The following SYNE1 variants were observed in gnomAD, a reference collection of about 807,000 sequenced individuals.
SYNE1 encodes nesprin-1.
Under a neutral mutation model 1,111.0 loss-of-function variants are expected in SYNE1, and 616 were observed. That is an observed-to-expected ratio of 0.55 (90% confidence interval 0.52 to 0.59). The LOEUF is 0.59. SYNE1 is among the 20% of genes least tolerant of loss of function. The pLI is 0.00. For synonymous variants in SYNE1, 3,855 were observed against 3,825.8 expected (o/e 1.01, Z -0.28); for missense variants, 10,006 against 10,417.0 (o/e 0.96, Z 1.72).
intron 130 of SYNE1, among the ~76,000 whole-genome samples, chr6:152,166,826 G>A (rs1438734196): frequency 6.6e-6 from 1 of 152,190 alleles, no homozygotes; most frequent in Non-Finnish European, 1.5e-5. Context: ...GCAGAGGTGA[G>A]CCTGTAGGGC....
intron 11 of SYNE1, among the ~76,000 whole-genome samples, chr6:152,494,126 T>C (rs536130843): frequency 6.6e-6 from 1 of 152,292 alleles, no homozygotes; most frequent in African/African-American, 2.4e-5. Flanking sequence ...CTGTATGCAG[T>C]GACAGCCACC....
Position 152,488,461 on chromosome 6 carries a change from C to A in SYNE1, c.982G>T (p.Glu328Ter), listed in dbSNP as rs1350368750. 1 of 1,608,812 alleles carries A rather than the reference C, an allele frequency of 6.2e-7. No homozygotes were observed. Among genetic ancestry groups the A allele is most frequent in the Admixed American group, 1.7e-5 (1 of 59,898 alleles). ...VIFKEMKVWI[E>*]QFERDLTRAQ... ...CTTGTCAAATCTCTCTCAAATTGTT[C>A]TATCCAAACTTTCATTTCCTTAAAA... The change falls in exon 12 of 146, where the codon GAA (glutamate) becomes TAA (stop). Residue 328 changes from glutamate (E) to a stop codon, truncating the protein, a stop_gained. Transcript: ENST00000367255. LOFTEE classifies it high-confidence loss of function.
At chr6:152,131,283 C>T (rs1211706512) in intron 144 of SYNE1, among the ~76,000 whole-genome samples, 1 of 150,222 alleles carries the variant, frequency 6.7e-6, no homozygotes, top group Non-Finnish European at 1.5e-5. Flanking sequence ...AGCCAGTATT[C>T]CTTCACATTC....
Position 152,140,125 on chromosome 6 carries a change from G to T in SYNE1, c.25283C>A (p.Ala8428Glu), listed in dbSNP as rs775901718. The T allele has an allele frequency of 1.1e-5, 17 of 1,614,046 alleles. No individual in the cohort carries two copies. In the African/African-American group the frequency reaches 1.9e-4, roughly 18 times the overall value. ...CTTCATCCTCAACTCCTTGCTCAATGCCTGGGCCTGGAGAAGCTCCCATCG... is the reference window on the plus strand; with the variant it reads ...CTTCATCCTCAACTCCTTGCTCAATTCCTGGGCCTGGAGAAGCTCCCATCG... Reference protein sequence around the residue: ...IDRWELLQAQALSKELRMKQN... With the variant: ...IDRWELLQAQELSKELRMKQN... Residue 8428 changes from alanine to glutamate, a missense_variant, in exon 140 of 146, where the codon GCA becomes GAA. Physicochemically the swap from Ala to Glu is moderately radical, Grantham distance 107. Transcript: ENST00000367255.
At chr6:152,300,855 G>A in intron 92 of SYNE1, 74 bp from the exon 93 acceptor site, 1 of 1,605,120 alleles carries the variant, frequency 6.2e-7, no homozygotes, top group Non-Finnish European at 8.5e-7. Flanking sequence ...TTCAGGCACA[G>A]GCCAAAACAG....
intron 98 of SYNE1, among the ~76,000 whole-genome samples, chr6:152,270,798 T>C (rs2093139091): frequency 6.6e-6 from 1 of 152,182 alleles, no homozygotes; most frequent in South Asian, 2.1e-4. Flanking sequence ...TAGAAAGTTT[T>C]AGGGAGGCCT....
In SYNE1 at chr6:152,331,047, A is replaced by G. The variant is rs2096236395; in HGVS notation, c.13638T>C (p.Val4546=). The G allele has an allele frequency of 6.2e-7, 1 of 1,613,974 alleles. No homozygotes were observed. Among genetic ancestry groups the G allele is most frequent in the African/African-American group, 1.3e-5 (1 of 74,900 alleles). Residue 4546 remains valine (V), a synonymous_variant, in exon 78 of 146, where the codon GTT becomes GTC. Transcript: ENST00000367255. ...LQELQSVYDS[V]LQKCSHRLQE... ...GTAACCGGTGACTGCACTTTTGTAA[A>G]ACACTGTCATAGACACTCTGCAATT... is the stretch of plus-strand genomic sequence containing the variant.
At chr6:152,448,205 C>T (rs992716859) in intron 28 of SYNE1, among the ~76,000 whole-genome samples, 7 of 152,236 alleles carry the variant, frequency 4.6e-5, no homozygotes, top group South Asian at 4.1e-4. Flanking sequence ...ATTTAGGAAG[C>T]GAGGCTTTAT....
In SYNE1 at chr6:152,234,678, T is replaced by C. The variant is rs2083584931; in HGVS notation, c.20519A>G (p.Asn6840Ser). ...QELEMVRDHLNAFLEFSKEVD... is the reference protein window; with the variant it reads ...QELEMVRDHLSAFLEFSKEVD... The stretch of plus-strand genomic sequence containing the variant: ...GATTCTTAGACTTACCAGGAAAGCA[T>C]TTAGATGATCACGGACCATTTCCAG... Residue 6840 changes from asparagine to serine, a missense_variant, in exon 111 of 146, where the codon AAT (asparagine) becomes AGT (serine). By Grantham distance (46) the Asn-to-Ser change is conservative. Around this residue, in one of 7 missense-constraint regions of SYNE1, gnomAD observed 2,182 missense variants for 2,287.8 expected, o/e 0.95. Coordinates refer to ENST00000367255, the MANE Select transcript of SYNE1 (RefSeq NM_182961.4). 3.7e-6 allele frequency: 6 copies of C among 1,614,094 alleles called. No homozygotes were observed. Among genetic ancestry groups the C allele is most frequent in the South Asian group, 1.1e-5 (1 of 91,094 alleles).
chr6:152,252,402 A>G (rs1449173435), intron 104 of SYNE1, among the ~76,000 whole-genome samples: 1 of 151,976 alleles, frequency 6.6e-6, no homozygotes, highest in Non-Finnish European at 1.5e-5. Context: ...ATACACAATT[A>G]TATGTTTGGG....
At chr6:152,189,781 T>C (rs2071669719) in intron 127 of SYNE1, among the ~76,000 whole-genome samples, 2 of 152,244 alleles carry the variant, frequency 1.3e-5, no homozygotes, top group Admixed American at 1.3e-4. Context: ...CAAGTCATAA[T>C]CTTCTTGCTG....
chr6:152,188,538 C>T (rs1350618505), intron 128 of SYNE1, among the ~76,000 whole-genome samples: 1 of 151,928 alleles, frequency 6.6e-6, no homozygotes, highest in Non-Finnish European at 1.5e-5. Flanking sequence ...ATAAATATTC[C>T]CTGAACAAAA....
In SYNE1 at chr6:152,122,460, G is replaced by A. The variant is rs777985131; in HGVS notation, c.26370C>T (p.Tyr8790=). ...TTCAGAGTGGAGGAGGGCCATTCGT[G>A]TATCTGAGCATGGGGTGGAATGACC... ...FARSFHPMLR[Y]TNGPPPL The change falls in exon 146 of 146, where the codon TAC becomes TAT. Residue 8790 remains tyrosine (Y), a synonymous_variant. Transcript: ENST00000367255. 1.2e-6 allele frequency: 2 copies of A among 1,614,168 alleles called. No individual in the cohort carries two copies. The highest frequency in any genetic ancestry group is 2.2e-5 in the East Asian group (1 of 44,880).
At chr6:152,335,494 T>C (rs2096364973) in intron 76 of SYNE1, 1 of 152,174 alleles carries the variant, frequency 6.6e-6, no homozygotes, top group Non-Finnish European at 1.5e-5. Flanking sequence ...ACAAATTTTT[T>C]TAAAAAAGAG....
chr6:152,319,124 G>A, intron 84 of SYNE1, 109 bp from the exon 85 acceptor site: 1 of 1,452,154 alleles, frequency 6.9e-7, no homozygotes, highest in South Asian at 1.2e-5. Flanking sequence ...CTTTGGCATT[G>A]AAACACCTGG....
At chr6:152,307,592 C>T (rs2095418473) in intron 91 of SYNE1, among the ~76,000 whole-genome samples, 1 of 151,910 alleles carries the variant, frequency 6.6e-6, no homozygotes, top group Non-Finnish European at 1.5e-5. Flanking sequence ...AGGAAATTCC[C>T]TGCTAAGCTC....
rs148045460 is a variant in SYNE1 at position 152,395,596 on chromosome 6, T to C, written c.7632A>G (p.Gly2544=). The C allele has an allele frequency of 1.2e-6, 2 of 1,614,084 alleles. No homozygotes were observed. Among genetic ancestry groups the C allele is most frequent in the African/African-American group, 2.7e-5 (2 of 74,942 alleles). ...MEERFNTENL[G]ESKQHIPEKK... ...TCTCAGGAATGTGCTGTTTACTCTCTCCCAAGTTTTCCGTATTGAACCTTT... is the reference window on the plus strand; with the variant it reads ...TCTCAGGAATGTGCTGTTTACTCTCCCCCAAGTTTTCCGTATTGAACCTTT... Residue 2544 remains glycine, a synonymous_variant, in exon 51 of 146, where the codon GGA becomes GGG. Coordinates refer to ENST00000367255, the MANE Select transcript of SYNE1 (RefSeq NM_182961.4).
At chr6:152,144,314 C>T (rs937733530) in intron 137 of SYNE1, 14 of 160,540 alleles carry the variant, frequency 8.7e-5, no homozygotes, top group South Asian at 7.1e-4. Context: ...TAGATATATA[C>T]AGAGATATCA....
chr6:152,450,012 T>C (rs1564107267), intron 27 of SYNE1, among the ~76,000 whole-genome samples: 1 of 152,190 alleles, frequency 6.6e-6, no homozygotes, highest in Non-Finnish European at 1.5e-5. Flanking sequence ...TTATACAGTT[T>C]GGCTGTGTCG....
Sources: gnomAD v4.1 joint callset for allele counts (sites outside exome capture counted in the v4.1 genomes callset) on GRCh38, gnomAD v4.1.1 for gene constraint, gnomAD v4.1.1 regional missense constraint, MANE v1.5 for transcripts, NCBI Gene and HGNC (gene_info 2026-07-23, HGNC 2026-07-21) for gene names.